CDH19: variants seen among roughly 807,000 people sequenced by gnomAD.
The protein encoded by CDH19 is cadherin 19, also known as cadherin-19.
Under a neutral mutation model 64.2 loss-of-function variants are expected in CDH19, and 67 were observed. The ratio of observed to expected loss-of-function variants is 1.04; its 90% CI spans 0.86 to 1.28. The LOEUF is 1.28. Among genes scored for constraint, CDH19 ranks in the 50% most tolerant of loss-of-function variants. The probability of loss-of-function intolerance (pLI) is 0.00; values close to 1 mark genes in which losing one functional copy is unlikely to be tolerated. For missense variants in CDH19, 1,030 were observed against 929.0 expected, an observed-to-expected ratio of 1.11 and a Z score of -1.41; for synonymous variants, 346 against 319.3, an observed-to-expected ratio of 1.08 and a Z score of -0.89.
At chr18:66,554,348 C>G (rs1987440259) in intron 4 of CDH19, 57 bp downstream of exon 4, 1 of 1,577,972 alleles carries the variant, frequency 6.3e-7, no homozygotes, top group Non-Finnish European at 8.7e-7. Flanking sequence ...ATAATTTTTG[C>G]TGACAATTGC....
intron 11 of CDH19, 88 bp from the exon 12 acceptor site, chr18:66,505,390 G>C (rs928218600): frequency 2.4e-5 from 25 of 1,023,934 alleles, no homozygotes; most frequent in Non-Finnish European, 3.2e-5. Context: ...AGCTCAAGAT[G>C]AGTGCTTAAA....
intron 2 of CDH19, among the ~76,000 whole-genome samples, chr18:66,569,290 A>G (rs1317527945): frequency 6.6e-6 from 1 of 151,728 alleles, no homozygotes; most frequent in Non-Finnish European, 1.5e-5. Context: ...AATATTATGA[A>G]ATACATATTA....
intron 7 of CDH19, among the ~76,000 whole-genome samples, chr18:66,538,841 G>A (rs936676759): frequency 1.3e-5 from 2 of 151,900 alleles, no homozygotes; most frequent in Non-Finnish European, 1.5e-5. Context: ...TCTCTGCTTC[G>A]GTTGTCACAT....
At chr18:66,541,279 T>C (rs929911977) in intron 7 of CDH19, among the ~76,000 whole-genome samples, 1 of 152,144 alleles carries the variant, frequency 6.6e-6, no homozygotes, top group East Asian at 1.9e-4. Flanking sequence ...ATTTACTATG[T>C]TTAATATGTG....
At chr18:66,564,037 A>G (rs1987817039) in intron 3 of CDH19, among the ~76,000 whole-genome samples, 1 of 151,902 alleles carries the variant, frequency 6.6e-6, no homozygotes, top group Admixed American at 6.6e-5. Context: ...AGAGATTTAT[A>G]GAATCTAATT....
intron 1 of CDH19, among the ~76,000 whole-genome samples, chr18:66,602,774 T>A (rs2144652953): frequency 6.6e-6 from 1 of 151,996 alleles, no homozygotes; most frequent in African/African-American, 2.4e-5. Context: ...TTAAAAATTT[T>A]GAATAATTGC....
chr18:66,582,639 C>CAAAAAAA (rs11410904), intron 1 of CDH19, among the ~76,000 whole-genome samples: 6 of 72,890 alleles, frequency 8.2e-5, no homozygotes, highest in East Asian at 4.7e-4. Context: ...TTACTGTCAC[C>CAAAAAAA]AAAAAAAAAA....
chr18:66,520,339 C>CT lies in CDH19; in HGVS notation c.1459-8655dup, dbSNP rs1467363662. Among the ~76,000 whole-genome samples the CT allele has an allele frequency of 8.4e-3, 899 of 107,204 alleles. 12 individuals carry two copies. The highest frequency in any genetic ancestry group is 0.013 in the South Asian group (43 of 3,424). The allele number at this position is 107,204 out of a possible 152,430, so 70.3% of individuals were successfully genotyped here. A position where few individuals can be genotyped will look rare whatever the true frequency, so the allele number is the denominator to read the frequency against. ...ATGATAACTAGCTGGAAGAAAATAG[C>CT]TGTTTTTTTTTTTTTTTTTCAGTTT... On this transcript the variant is annotated intron_variant, in intron 9 of 11. Transcript: ENST00000262150.
Position 66,603,981 on chromosome 18 carries a change from T to C in CDH19, c.-140A>G, listed in dbSNP as rs768691031. The C allele has an allele frequency of 2.6e-5, 4 of 152,188 alleles. No individual in the cohort carries two copies. Among genetic ancestry groups the C allele is most frequent in the Non-Finnish European group, 5.9e-5 (4 of 68,036 alleles). 9.4% of individuals were successfully genotyped at this position (152,188 alleles called of 1,614,324 possible). ...TTGTAACTTCAACTTCTAGAAGTTC[T>C]GTGAAAACTGAACAGCAAACTTCGT... On this transcript the variant is annotated 5_prime_UTR_variant, in exon 1 of 12. Transcript: ENST00000262150.
chr18:66,531,044 T>C (rs954264804), intron 8 of CDH19, among the ~76,000 whole-genome samples: 5 of 152,110 alleles, frequency 3.3e-5, no homozygotes, highest in African/African-American at 9.7e-5. Context: ...TCATATGCGA[T>C]AGAACAGCAC....
rs62096296 is a variant in CDH19 at position 66,544,685 on chromosome 18, T to C, written c.960+34A>G. 1.3e-3 allele frequency: 1,969 copies of C among 1,459,446 alleles called. 2 individuals are homozygous for C. Among genetic ancestry groups the C allele is most frequent in the Non-Finnish European group, 1.5e-3 (1,635 of 1,069,900 alleles). The allele number at this position is 1,459,446 out of a possible 1,614,324, so 90.4% of individuals were successfully genotyped here. On this transcript the variant is annotated intron_variant, in intron 6 of 11. Transcript: ENST00000262150. The stretch of plus-strand genomic sequence containing the variant: ...AATATGTTATGTTTTAATTTTGCGC[T>C]ATTCTGCAAGGCAAATAATTTTAAC...
intron 7 of CDH19, among the ~76,000 whole-genome samples, chr18:66,538,149 C>T (rs1335826811): frequency 6.6e-6 from 1 of 152,036 alleles, no homozygotes; most frequent in African/African-American, 2.4e-5. Flanking sequence ...GAGTACATTT[C>T]TTCTGAACAG....
chr18:66,531,373 T>G (rs1986438537), intron 8 of CDH19, among the ~76,000 whole-genome samples: 5 of 152,092 alleles, frequency 3.3e-5, no homozygotes, highest in Admixed American at 2.0e-4. Context: ...TCCCAGCGCT[T>G]TGGAAGGCCA....
intron 7 of CDH19, among the ~76,000 whole-genome samples, chr18:66,538,937 T>G (rs1986783409): frequency 6.6e-6 from 1 of 152,080 alleles, no homozygotes; most frequent in Non-Finnish European, 1.5e-5. Context: ...TGACCTTATC[T>G]TAACTAGTTA....
chr18:66,511,948 T>C lies in CDH19; in HGVS notation c.1459-263A>G, dbSNP rs998672467. Reference sequence around the variant, plus strand: ...GATCAGGTGGATTCCAAAAGCTGTTTGTTGAAAGTCTCCAAAGCATTGCTT... The same window carrying C: ...GATCAGGTGGATTCCAAAAGCTGTTCGTTGAAAGTCTCCAAAGCATTGCTT... On this transcript the variant is annotated intron_variant, in intron 9 of 11. Coordinates refer to ENST00000262150, the MANE Select transcript of CDH19 (RefSeq NM_021153.4). Among the ~76,000 whole-genome samples, 6 of 151,626 alleles carry C rather than the reference T, an allele frequency of 4.0e-5. No homozygotes were observed. In the Admixed American group the frequency reaches 4.0e-4, roughly 10 times the overall value.
intron 9 of CDH19, among the ~76,000 whole-genome samples, chr18:66,517,493 G>T (rs1985789006): frequency 6.6e-6 from 1 of 151,956 alleles, no homozygotes; most frequent in South Asian, 2.1e-4. Context: ...GCAAATTGCT[G>T]AAAATTCTCT....
intron 5 of CDH19, among the ~76,000 whole-genome samples, chr18:66,549,358 T>C (rs917431357): frequency 5.9e-5 from 9 of 152,090 alleles, no homozygotes; most frequent in African/African-American, 2.2e-4. Context: ...ATCATCTGCA[T>C]AAATTTAGAC....
intron 1 of CDH19, among the ~76,000 whole-genome samples, chr18:66,600,510 C>T (rs1162545074): frequency 6.6e-6 from 1 of 151,752 alleles, no homozygotes; most frequent in Non-Finnish European, 1.5e-5. Context: ...ATGTTTTAAA[C>T]ACTGGTTTAA....
chr18:66,585,066 C>T (rs1386754964), intron 1 of CDH19, among the ~76,000 whole-genome samples: 1 of 151,962 alleles, frequency 6.6e-6, no homozygotes, highest in East Asian at 1.9e-4. Flanking sequence ...AAACGACCAA[C>T]CGTTGAATAC....
Sources: gnomAD v4.1 joint callset for allele counts (sites outside exome capture counted in the v4.1 genomes callset) on GRCh38, gnomAD v4.1.1 for gene constraint, MANE v1.5 for transcripts, NCBI Gene and HGNC (gene_info 2026-07-23, HGNC 2026-07-21) for gene names.